Variants in CFAP53 observed in about 807,000 individuals in gnomAD.
CFAP53 encodes cilia- and flagella-associated protein 53.
Under a neutral mutation model 59.7 loss-of-function variants are expected in CFAP53, and 62 were observed. That is an observed-to-expected ratio of 1.04 (90% CI 0.85 to 1.28). The LOEUF (loss-of-function observed/expected upper bound fraction) is 1.28. Among genes scored for constraint, CFAP53 ranks in the 50% most tolerant of loss-of-function variants. CFAP53 has a pLI of 0.00. For missense variants in CFAP53, 629 were observed against 615.6 expected, an observed-to-expected ratio of 1.02 and a Z score of -0.23; for synonymous variants, 218 against 205.7, an observed-to-expected ratio of 1.06 and a Z score of -0.51.
At chr18:50,265,256 C>A (rs79153211) in intron 1 of CFAP53, among the ~76,000 whole-genome samples, 301 of 152,252 alleles carry the variant, frequency 2.0e-3, no homozygotes, top group African/African-American at 6.9e-3. Context: ...AAATTTCACA[C>A]CTGACCTCAT....
intron 7 of CFAP53, among the ~76,000 whole-genome samples, chr18:50,228,821 C>CA (rs1160784889): frequency 6.6e-6 from 1 of 151,626 alleles, no homozygotes; most frequent in African/African-American, 2.4e-5. Context: ...AAAAACAAAA[C>CA]AAAAAAATTT....
In CFAP53 at chr18:50,248,208, A is replaced by T. The variant is rs761210453; in HGVS notation, c.996+2550T>A. ...TGAAGAAGACATACAGATAGAAAAC[A>T]GGCTCATAAAAAGTTGTTCAAAATC... On this transcript the variant is annotated intron_variant, in intron 5 of 7. Coordinates refer to ENST00000398545, the MANE Select transcript of CFAP53 (RefSeq NM_145020.5). Among the ~76,000 whole-genome samples the T allele has an allele frequency of 2.6e-4, 40 of 152,146 alleles. 1 individual carries two copies. Among genetic ancestry groups the T allele is most frequent in the Non-Finnish European group, 2.9e-5 (2 of 68,016 alleles).
rs115801709 is a variant in CFAP53, at chr18:50,259,751, G to A, written c.473+1313C>T. ...CCCGGCCAATTTTTTTATTTTTTGT[G>A]GAAATAAGGTCCCACTATGTTGCCC... On this transcript the variant is annotated intron_variant, in intron 3 of 7. Coordinates refer to ENST00000398545, the MANE Select transcript of CFAP53 (RefSeq NM_145020.5). 6.1e-3 allele frequency among the ~76,000 whole-genome samples: 934 copies of A among 151,976 alleles called. 7 individuals carry two copies. The highest frequency in any genetic ancestry group is 0.021 in the African/African-American group (878 of 41,438).
chr18:50,266,294 T>TGC, intron 1 of CFAP53, 42 bp downstream of exon 1: 3 of 1,594,814 alleles, frequency 1.9e-6, no homozygotes, highest in Non-Finnish European at 2.6e-6. Context: ...TGCGGAGAGA[T>TGC]GGAGAAAGCT....
chr18:50,265,257 C>G (rs917938373), intron 1 of CFAP53, among the ~76,000 whole-genome samples: 4 of 152,150 alleles, frequency 2.6e-5, no homozygotes, highest in Non-Finnish European at 5.9e-5. Flanking sequence ...AATTTCACAC[C>G]TGACCTCATG....
chr18:50,246,556 G>C (rs2033747156), intron 5 of CFAP53, among the ~76,000 whole-genome samples: 1 of 152,178 alleles, frequency 6.6e-6, no homozygotes, highest in South Asian at 2.1e-4. Context: ...TGTGATCCTA[G>C]AGTAGGTAAC....
intron 7 of CFAP53, among the ~76,000 whole-genome samples, chr18:50,235,175 A>AAAAAGGAGT (rs1208781859): frequency 6.6e-6 from 1 of 152,224 alleles, no homozygotes; most frequent in African/African-American, 2.4e-5. Context: ...GAGGGCCCTC[A>AAAAAGGAGT]AAAAGGAGTT....
At chr18:50,234,746 T>C (rs1488463531) in intron 7 of CFAP53, among the ~76,000 whole-genome samples, 1 of 152,252 alleles carries the variant, frequency 6.6e-6, no homozygotes, top group African/African-American at 2.4e-5. Context: ...CCTTCCTAAG[T>C]TGGGCCCTTC....
At chr18:50,228,206 G>A (rs192719037) in intron 7 of CFAP53, among the ~76,000 whole-genome samples, 13 of 151,586 alleles carry the variant, frequency 8.6e-5, no homozygotes, top group Non-Finnish European at 1.2e-4. Context: ...TGATCTGCCC[G>A]CCTCAGCCTC....
chr18:50,242,618 C>A (rs1411968418), intron 6 of CFAP53, among the ~76,000 whole-genome samples: 2 of 152,126 alleles, frequency 1.3e-5, no homozygotes, highest in African/African-American at 4.8e-5. Context: ...ATGTCTGTGC[C>A]CCACCTTCTC....
intron 6 of CFAP53, among the ~76,000 whole-genome samples, chr18:50,240,516 A>G (rs1026893957): frequency 1.3e-5 from 2 of 152,150 alleles, no homozygotes; most frequent in African/African-American, 4.8e-5. Context: ...CAGGAATAAG[A>G]ACTTCTTCCC....
chr18:50,262,584 G>GCTCT lies in CFAP53; in HGVS notation c.70-366_70-365insAGAG, dbSNP rs147508299. 5.0e-3 allele frequency among the ~76,000 whole-genome samples: 765 copies of GCTCT among 152,244 alleles called. 5 individuals carry two copies. The highest frequency in any genetic ancestry group is 0.017 in the African/African-American group (712 of 41,526). On this transcript the variant is annotated intron_variant, in intron 1 of 7. Coordinates refer to ENST00000398545, the MANE Select transcript of CFAP53 (RefSeq NM_145020.5). ...TAGGGCAGATAAAACAAGAATTAGA[G>GCTCT]GTCTTCTAATTCCCGACCTTGACAT... is the stretch of plus-strand genomic sequence containing the variant.
intron 5 of CFAP53, among the ~76,000 whole-genome samples, chr18:50,245,266 C>T (rs2033732892): frequency 6.6e-6 from 1 of 150,598 alleles, no homozygotes; most frequent in African/African-American, 2.4e-5. Flanking sequence ...CCTGTAGTCC[C>T]AGCTACTCGG....
chr18:50,265,666 A>C (rs775320442), intron 1 of CFAP53, among the ~76,000 whole-genome samples: 50 of 152,192 alleles, frequency 3.3e-4, no homozygotes, highest in Non-Finnish European at 5.4e-4. Context: ...AATTTGTAGA[A>C]ACAAAAAAAT....
chr18:50,237,750 C>T (rs1187054449), intron 7 of CFAP53, among the ~76,000 whole-genome samples: 1 of 152,098 alleles, frequency 6.6e-6, no homozygotes, highest in Non-Finnish European at 1.5e-5. Context: ...CCACCTGAGC[C>T]TGGTTGTGGT....
intron 4 of CFAP53, 95 bp from the exon 5 acceptor site, chr18:50,251,071 G>T: frequency 2.0e-6 from 2 of 993,858 alleles, no homozygotes; most frequent in Non-Finnish European, 1.6e-6. Flanking sequence ...AGGATTTCTG[G>T]AAATACACAC....
chr18:50,227,629 A>G lies in CFAP53; in HGVS notation c.1317-20T>C. The G allele has an allele frequency of 6.5e-7, 1 of 1,540,220 alleles. No individual in the cohort carries two copies. The highest frequency in any genetic ancestry group is 9.0e-7 in the Non-Finnish European group (1 of 1,113,880). The stretch of plus-strand genomic sequence containing the variant: ...TGGCGTCTAAAGTATTAGAAATGTC[A>G]AAGCATAAAATTATAAAAGTAAGCA... On this transcript the variant is annotated intron_variant, in intron 7 of 7. Coordinates refer to ENST00000398545, the MANE Select transcript of CFAP53 (RefSeq NM_145020.5).
At chr18:50,242,352 ATTAATT>A (rs2033698126) in intron 6 of CFAP53, among the ~76,000 whole-genome samples, 2 of 152,344 alleles carry the variant, frequency 1.3e-5, no homozygotes, top group Non-Finnish European at 1.5e-5. Flanking sequence ...TTATAAAAGT[ATTAATT>A]TTGAGAACTA....
At chr18:50,262,267 T>G (rs1254959163) in intron 1 of CFAP53, 48 bp from the exon 2 acceptor site, 2 of 1,496,726 alleles carry the variant, frequency 1.3e-6, no homozygotes, top group Non-Finnish European at 9.3e-7. Flanking sequence ...AAGAATCAAC[T>G]GCATATTTTC....
Sources: allele counts gnomAD v4.1 joint callset (sites outside exome capture counted in the v4.1 genomes callset), GRCh38; gene constraint gnomAD v4.1.1; transcripts MANE v1.5; gene names NCBI Gene and HGNC (gene_info 2026-07-23, HGNC 2026-07-21).